DOCK11: variants seen among roughly 807,000 people sequenced by gnomAD.
DOCK11 encodes the protein dedicator of cytokinesis protein 11.
DOCK11 carries 70 observed loss-of-function variants against 169.1 expected under a neutral mutation model. That is an observed-to-expected ratio of 0.41 (90% CI 0.34 to 0.51). DOCK11 has a LOEUF of 0.51. Among genes scored for constraint, DOCK11 ranks in the 20% least tolerant of loss-of-function variants. The pLI is 0.10. For missense variants in DOCK11, 1,166 were observed against 1,538.8 expected, an observed-to-expected ratio of 0.76 and a Z score of 4.05; for synonymous variants, 529 against 541.3, an observed-to-expected ratio of 0.98 and a Z score of 0.32.
intron 9 of DOCK11, 46 bp downstream of exon 9, chrX:118,566,699 G>A: frequency 9.3e-7 from 1 of 1,079,154 alleles, no homozygotes; most frequent in Non-Finnish European, 1.3e-6. Flanking sequence ...GATAATGCAG[G>A]ATTAGCTATT....
chrX:118,669,479 TCC>T (rs1381526028), intron 45 of DOCK11, among the ~76,000 whole-genome samples: 1 of 111,822 alleles, frequency 8.9e-6, no homozygotes, highest in Non-Finnish European at 1.9e-5. Flanking sequence ...AGGATCGACT[TCC>T]TAGTTCATAG....
chrX:118,608,624 T>C (rs1440172858), intron 26 of DOCK11, among the ~76,000 whole-genome samples: 4 of 111,791 alleles, frequency 3.6e-5, no homozygotes, highest in African/African-American at 1.3e-4. Context: ...CAAAATAGTT[T>C]TGTGACCTGG....
intron 9 of DOCK11, 95 bp from the exon 10 acceptor site, chrX:118,567,984 A>G: frequency 2.4e-6 from 1 of 408,745 alleles, no homozygotes. Flanking sequence ...TGAAGCTGTG[A>G]CAGATTGATA....
intron 34 of DOCK11, among the ~76,000 whole-genome samples, chrX:118,628,674 C>A (rs989670720): frequency 8.9e-6 from 1 of 111,828 alleles, no homozygotes; most frequent in Admixed American, 9.5e-5. Context: ...ATATAGGTCC[C>A]AAAATTGACA....
intron 1 of DOCK11, among the ~76,000 whole-genome samples, chrX:118,530,911 T>C (rs1477360932): frequency 8.9e-6 from 1 of 112,005 alleles, no homozygotes; most frequent in Non-Finnish European, 1.9e-5. Flanking sequence ...TAGAACTAAG[T>C]TCTATGTTTT....
At chrX:118,540,922 A>G (rs2011968945) in intron 1 of DOCK11, among the ~76,000 whole-genome samples, 2 of 112,007 alleles carry the variant, frequency 1.8e-5, no homozygotes, top group Non-Finnish European at 1.9e-5. Flanking sequence ...ATGAAACATC[A>G]TCATTAAAAA....
Position 118,495,928 on chromosome X carries a change from G to C in DOCK11, c.-44G>C, listed in dbSNP as rs1488294364. 1.1e-6 allele frequency: 1 copy of C among 936,768 alleles called. No homozygotes were observed. 77.2% of individuals were successfully genotyped at this position (936,768 alleles called of 1,213,427 possible). On this transcript the variant is annotated 5_prime_UTR_variant, in exon 1 of 53. Transcript: ENST00000276202. The stretch of plus-strand genomic sequence containing the variant: ...GCCGGGGCAGTGAGTCCACCCGCCC[G>C]CCGAGGTCCGCCCGCCCGCCGAGAC...
chrX:118,508,060 C>CAA (rs34530280), intron 1 of DOCK11, among the ~76,000 whole-genome samples: 3 of 63,070 alleles, frequency 4.8e-5, no homozygotes, highest in African/African-American at 1.7e-4. Flanking sequence ...GAGGTGAGGA[C>CAA]AAAAAAAAAA....
rs754047557 is a variant in DOCK11, at chrX:118,652,113, C to T, written c.4695+36C>T. On this transcript the variant is annotated intron_variant, in intron 42 of 52. Transcript: ENST00000276202. ...ATTTCAGATAATAAATTAGAACCAC[C>T]TTTGCTATCAGGGAAGTTTAAACTC... is the stretch of plus-strand genomic sequence containing the variant. 241 of 951,031 alleles carry T rather than the reference C, an allele frequency of 2.5e-4. 1 individual carries two copies. In the South Asian group the frequency reaches 5.1e-3, roughly 20 times the overall value. 78.4% of individuals were successfully genotyped at this position (951,031 alleles called of 1,213,427 possible). A position where few individuals can be genotyped will look rare whatever the true frequency, so the allele number is the denominator to read the frequency against.
At chrX:118,648,373 G>A (rs1229658843) in intron 40 of DOCK11, among the ~76,000 whole-genome samples, 2 of 94,357 alleles carry the variant, frequency 2.1e-5, no homozygotes, top group Admixed American at 1.4e-4. Flanking sequence ...TCTCAAATGG[G>A]GGCTTAAAAA....
At chrX:118,616,245 G>A in intron 30 of DOCK11, 2 of 958,082 alleles carry the variant, frequency 2.1e-6, no homozygotes. Context: ...CAGTAGGTAG[G>A]TTTAACTCGG....
Position 118,578,580 on chromosome X carries a change from A to G in DOCK11, c.1445A>G (p.Glu482Gly). ...GAAATTTTTCTAGTTGCCAGAATTGAAAAGGTACTACAGGGAAACATTACA... is the reference window on the plus strand; with the variant it reads ...GAAATTTTTCTAGTTGCCAGAATTGGAAAGGTACTACAGGGAAACATTACA... ...HPEIFLVARI[E>G]KVLQGNITHC... Residue 482 changes from glutamate to glycine, a missense_variant, in exon 13 of 53, where the codon GAA becomes GGA. By Grantham distance (98) the Glu-to-Gly change is moderately conservative (BLOSUM62 -2). Transcript: ENST00000276202. The G allele has an allele frequency of 8.3e-7, 1 of 1,206,935 alleles. No homozygotes were observed. The highest frequency in any genetic ancestry group is 1.8e-5 in the South Asian group (1 of 56,870).
intron 1 of DOCK11, among the ~76,000 whole-genome samples, chrX:118,531,412 CAAAAAAAAAAAAAAAAAAAAAAAAA>C (rs60932296): frequency 2.1e-4 from 6 of 29,205 alleles, no homozygotes; most frequent in Non-Finnish European, 3.5e-4. Flanking sequence ...GCCATATACT[CAAAAAAAAAAAAAAAAAAAAAAAAA>C]AAAAAAAAAA....
At chrX:118,497,146 T>C (rs887056006) in intron 1 of DOCK11, among the ~76,000 whole-genome samples, 5 of 112,702 alleles carry the variant, frequency 4.4e-5, no homozygotes, top group African/African-American at 1.3e-4. Context: ...TTTGTCTCCC[T>C]CAGCTCCATT....
rs1569424120 is a variant in DOCK11, at chrX:118,590,193, GTTTC to G, written c.2047-9_2047-6del. On this transcript the variant is annotated splice_polypyrimidine_tract_variant and intron_variant, in intron 18 of 52. Coordinates refer to ENST00000276202, the MANE Select transcript of DOCK11 (RefSeq NM_144658.4). ...GACCTGCATTTAGAGCGGTGACTCT[GTTTC>G]TTTCTTTTGCAGTGTATTTATGGAA... 22 of 1,181,519 alleles carry G rather than the reference GTTTC, an allele frequency of 1.9e-5. No homozygotes were observed. The highest frequency in any genetic ancestry group is 2.5e-5 in the Non-Finnish European group (22 of 871,715).
chrX:118,526,101 C>A (rs183289639), intron 1 of DOCK11, among the ~76,000 whole-genome samples: 1 of 111,962 alleles, frequency 8.9e-6, no homozygotes, highest in African/African-American at 3.2e-5. Flanking sequence ...CTTAGCAAGG[C>A]GGTAGTTCCC....
At chrX:118,646,981 G>T (rs915283929) in intron 40 of DOCK11, among the ~76,000 whole-genome samples, 3 of 104,652 alleles carry the variant, frequency 2.9e-5, no homozygotes, top group African/African-American at 1.0e-4. Context: ...ATGGGAAATT[G>T]TAACAAGTCT....
intron 12 of DOCK11, among the ~76,000 whole-genome samples, chrX:118,578,286 C>T (rs919432299): frequency 5.4e-5 from 6 of 111,548 alleles, no homozygotes; most frequent in East Asian, 2.8e-4. Flanking sequence ...AAAGCAGCAA[C>T]GGTGACACCT....
At chrX:118,588,043 G>C in intron 16 of DOCK11, 94 bp from the exon 17 acceptor site, 1 of 804,129 alleles carries the variant, frequency 1.2e-6, no homozygotes, top group Non-Finnish European at 1.7e-6. Context: ...ATCGCTCTTT[G>C]AGAATGCAAT....
Sources: gnomAD v4.1 joint callset for allele counts (sites outside exome capture counted in the v4.1 genomes callset) on GRCh38, gnomAD v4.1.1 for gene constraint, MANE v1.5 for transcripts, NCBI Gene and HGNC (gene_info 2026-07-23, HGNC 2026-07-21) for gene names.